Variants in RPAP2 observed in about 807,000 individuals in gnomAD.
RPAP2 encodes RNA polymerase II associated protein 2, also known as putative RNA polymerase II subunit B1 CTD phosphatase RPAP2.
Under a neutral mutation model 73.1 loss-of-function variants are expected in RPAP2, and 52 were observed. The observed-to-expected ratio is 0.71, with a 90% CI of 0.57 to 0.90. The LOEUF (loss-of-function observed/expected upper bound fraction) is 0.90, where lower values mean the gene tolerates loss of function less well. RPAP2 is among the 40% of genes least tolerant of loss of function. RPAP2 has a pLI of 0.00. For missense variants in RPAP2, 598 were observed against 701.8 expected (o/e 0.85, Z 1.67); for synonymous variants, 225 against 242.1 (o/e 0.93, Z 0.65).
rs529613264 is a variant in RPAP2 at position 92,310,156 on chromosome 1, T to C, written c.488+2880T>C. On this transcript the variant is annotated intron_variant, in intron 6 of 12. Transcript: ENST00000610020. ...TCATTGTATAGCATAACTGTAGCCC[T>C]TAATTATATATAACACTTGTCAGTG... is the stretch of plus-strand genomic sequence containing the variant. Among the ~76,000 whole-genome samples, 137 of 152,344 alleles carry C rather than the reference T, an allele frequency of 9.0e-4. 1 individual carries two copies. The highest frequency in any genetic ancestry group is 2.8e-3 in the African/African-American group (115 of 41,564).
chr1:92,399,880 A>T lies in RPAP2; in HGVS notation c.*12869A>T, dbSNP rs1444049632. On this transcript the variant is annotated 3_prime_UTR_variant, in exon 13 of 13. Transcript: ENST00000610020. ...TCAAAGTCAACCAGAATGACTCTTA[A>T]CCTCTCTTGTCTGGGTTGGGCATCC... The T allele has an allele frequency of 2.6e-5, 4 of 152,126 alleles. No individual in the cohort carries two copies. The highest frequency in any genetic ancestry group is 5.9e-5 in the Non-Finnish European group (4 of 68,030). 9.4% of individuals were successfully genotyped at this position (152,126 alleles called of 1,614,324 possible).
chr1:92,315,993 G>A (rs182073043), intron 6 of RPAP2, among the ~76,000 whole-genome samples: 26 of 152,324 alleles, frequency 1.7e-4, no homozygotes, highest in African/African-American at 6.3e-4. Context: ...CTCTGAGACA[G>A]TGTGCTCACA....
intron 12 of RPAP2, 30 bp from the exon 13 acceptor site, chr1:92,386,981 T>A (rs376577547): frequency 6.3e-7 from 1 of 1,584,460 alleles, no homozygotes; most frequent in Non-Finnish European, 8.6e-7. Flanking sequence ...AATACATGTT[T>A]TACTCAAAGT....
Position 92,401,635 on chromosome 1 carries a change from G to A in RPAP2, c.*14624G>A, listed in dbSNP as rs769276677. On this transcript the variant is annotated 3_prime_UTR_variant, in exon 13 of 13. Coordinates refer to ENST00000610020, the MANE Select transcript of RPAP2 (RefSeq NM_024813.3). ...TTAGAGGGAAAGTACTCAGTCTTTC[G>A]CCATTAAGTACAATGTCAGCTGTAA... The A allele has an allele frequency of 5.3e-5, 8 of 152,122 alleles. No homozygotes were observed. Among genetic ancestry groups the A allele is most frequent in the Non-Finnish European group, 7.3e-5 (5 of 68,034 alleles). The allele number at this position is 152,122 out of a possible 1,614,324, so 9.4% of individuals were successfully genotyped here.
chr1:92,309,252 G>T (rs1451948200), intron 6 of RPAP2, among the ~76,000 whole-genome samples: 1 of 151,756 alleles, frequency 6.6e-6, no homozygotes, highest in Non-Finnish European at 1.5e-5. Context: ...GACCATCCTG[G>T]CCAACATGGT....
chr1:92,378,429 G>A (rs1655484501), intron 11 of RPAP2, among the ~76,000 whole-genome samples: 1 of 152,084 alleles, frequency 6.6e-6, no homozygotes, highest in Non-Finnish European at 1.5e-5. Flanking sequence ...TGGCCAGGCT[G>A]GTTTTGAACT....
chr1:92,332,667 A>G lies in RPAP2; in HGVS notation c.1456-724A>G, dbSNP rs559342012. ...ATTCACTCCCTGAAAGAACTAGTCT[A>G]TTTCCTATTCTTACTGTTATTCCTA... On this transcript the variant is annotated intron_variant, in intron 8 of 12. Transcript: ENST00000610020. Among the ~76,000 whole-genome samples the G allele has an allele frequency of 5.3e-5, 8 of 152,220 alleles. No homozygotes were observed. In the South Asian group the frequency reaches 1.2e-3, roughly 24 times the overall value.
chr1:92,342,789 T>C (rs951571133), intron 10 of RPAP2, among the ~76,000 whole-genome samples: 1 of 152,082 alleles, frequency 6.6e-6, no homozygotes, highest in African/African-American at 2.4e-5. Flanking sequence ...ACCATAAGAT[T>C]TGTGGCCTGA....
At chr1:92,310,777 GC>G (rs910900570) in intron 6 of RPAP2, among the ~76,000 whole-genome samples, 2 of 151,924 alleles carry the variant, frequency 1.3e-5, no homozygotes, top group African/African-American at 4.8e-5. Flanking sequence ...CATGCCTGTA[GC>G]CCCAGCTACT....
intron 5 of RPAP2, among the ~76,000 whole-genome samples, chr1:92,305,820 A>T (rs557934424): frequency 6.6e-6 from 1 of 152,360 alleles, no homozygotes; most frequent in Non-Finnish European, 1.5e-5. Flanking sequence ...AATGTTAGGA[A>T]ATCTTTTTGC....
intron 11 of RPAP2, among the ~76,000 whole-genome samples, chr1:92,358,754 T>A (rs550690044): frequency 1.3e-4 from 20 of 148,450 alleles, no homozygotes; most frequent in African/African-American, 4.2e-4. Flanking sequence ...TGCTCAGCTT[T>A]AAAAAAAAAA....
At chr1:92,302,341 A>C (rs913048687) in intron 3 of RPAP2, among the ~76,000 whole-genome samples, 1 of 151,772 alleles carries the variant, frequency 6.6e-6, no homozygotes, top group Non-Finnish European at 1.5e-5. Flanking sequence ...AAAAAAAAAA[A>C]AAGAAAAAGC....
intron 7 of RPAP2, among the ~76,000 whole-genome samples, chr1:92,321,496 C>G (rs2101167067): frequency 6.6e-6 from 1 of 151,876 alleles, no homozygotes; most frequent in African/African-American, 2.4e-5. Context: ...TTACATTTCC[C>G]CACAGCTTGC....
intron 8 of RPAP2, among the ~76,000 whole-genome samples, chr1:92,325,349 TAG>T: frequency 6.6e-6 from 1 of 152,160 alleles, no homozygotes; most frequent in East Asian, 1.9e-4. Context: ...TATATTTCTA[TAG>T]AGTGTTGCTT....
At chr1:92,334,851 G>A (rs909969547) in intron 9 of RPAP2, among the ~76,000 whole-genome samples, 3 of 152,116 alleles carry the variant, frequency 2.0e-5, no homozygotes, top group Non-Finnish European at 2.9e-5. Context: ...AGCCGGGCGT[G>A]GTGGCGGATG....
At chr1:92,337,683 T>G (rs1260293943) in intron 10 of RPAP2, among the ~76,000 whole-genome samples, 1 of 152,102 alleles carries the variant, frequency 6.6e-6, no homozygotes, top group Non-Finnish European at 1.5e-5. Flanking sequence ...ATCTTAACAC[T>G]TTTTTATATC....
chr1:92,303,804 G>A (rs1432293915), intron 3 of RPAP2, among the ~76,000 whole-genome samples, 173 bp from the exon 4 acceptor site: 1 of 152,062 alleles, frequency 6.6e-6, no homozygotes, highest in Non-Finnish European at 1.5e-5. Flanking sequence ...TATATGTTGA[G>A]CACTTCTCTA....
At chr1:92,315,195 A>G (rs537457022) in intron 6 of RPAP2, among the ~76,000 whole-genome samples, 1 of 152,284 alleles carries the variant, frequency 6.6e-6, no homozygotes, top group Admixed American at 6.5e-5. Flanking sequence ...CCTAATTTCA[A>G]TATTGTTGTG....
chr1:92,400,862 A>T lies in RPAP2; in HGVS notation c.*13851A>T, dbSNP rs1656299416. 1 of 152,228 alleles carries T rather than the reference A, an allele frequency of 6.6e-6. No homozygotes were observed. Among genetic ancestry groups the T allele is most frequent in the Non-Finnish European group, 1.5e-5 (1 of 68,052 alleles). The allele number at this position is 152,228 out of a possible 1,614,324, so 9.4% of individuals were successfully genotyped here. Reference sequence around the variant, plus strand: ...TATTCTTACATTGCTATAAGGAAATACCCCAGACTGGGTAATTTATAAAGG... The same window carrying T: ...TATTCTTACATTGCTATAAGGAAATTCCCCAGACTGGGTAATTTATAAAGG... On this transcript the variant is annotated 3_prime_UTR_variant, in exon 13 of 13. Coordinates refer to ENST00000610020, the MANE Select transcript of RPAP2 (RefSeq NM_024813.3).
Sources: gnomAD v4.1 joint callset for allele counts (sites outside exome capture counted in the v4.1 genomes callset) on GRCh38, gnomAD v4.1.1 for gene constraint, MANE v1.5 for transcripts, NCBI Gene and HGNC (gene_info 2026-07-23, HGNC 2026-07-21) for gene names.